XIAP: variants seen among roughly 807,000 people sequenced by gnomAD.
The protein encoded by XIAP is E3 ubiquitin-protein ligase XIAP.
XIAP carries 3 observed loss-of-function variants against 33.1 expected under a neutral mutation model. The observed-to-expected ratio is 0.09, with a 90% confidence interval of 0.04 to 0.23. XIAP has a LOEUF of 0.23. XIAP is among the 10% of genes least tolerant of loss of function. XIAP has a pLI of 1.00. For missense variants in XIAP, 264 were observed against 363.0 expected, an observed-to-expected ratio of 0.73 and a Z score of 2.22; for synonymous variants, 98 against 121.3, an observed-to-expected ratio of 0.81 and a Z score of 1.26.
chrX:123,886,829 C>T (rs934603580), intron 2 of XIAP, among the ~76,000 whole-genome samples: 1 of 111,457 alleles, frequency 9.0e-6, no homozygotes, highest in Non-Finnish European at 1.9e-5. Flanking sequence ...CAAAATGGGT[C>T]TAATAGTAAT....
chrX:123,866,961 G>C (rs1478190216), intron 1 of XIAP, among the ~76,000 whole-genome samples: 1 of 107,243 alleles, frequency 9.3e-6, no homozygotes. Context: ...ACCGTGCCTG[G>C]CCAGAGATAT....
chrX:123,878,344 C>T (rs1370307611), intron 1 of XIAP, among the ~76,000 whole-genome samples: 2 of 111,802 alleles, frequency 1.8e-5, no homozygotes, highest in East Asian at 5.5e-4. Flanking sequence ...AATTTTAGAA[C>T]ATTTTCATTA....
chrX:123,878,561 C>G (rs2053267945), intron 1 of XIAP: 1 of 112,986 alleles, frequency 8.9e-6, no homozygotes. Context: ...CTATGACATC[C>G]TCATTCAGAA....
rs1370667504 is a variant in XIAP at position 123,886,000 on chromosome X, G to A, written c.338G>A (p.Gly113Asp). 1 of 1,211,832 alleles carries A rather than the reference G, an allele frequency of 8.3e-7. No homozygotes were observed. The highest frequency in any genetic ancestry group is 1.1e-6 in the Non-Finnish European group (1 of 895,536). Residue 113 changes from glycine to aspartate, a missense_variant, in exon 2 of 7, where the codon GGT becomes GAT. Gly to Asp is a moderately conservative substitution (Grantham distance 94). Coordinates refer to ENST00000371199, the MANE Select transcript of XIAP (RefSeq NM_001167.4). ...TCTACAAATTCTGGTATCCAGAATGGTCAGTACAAAGTTGAAAACTATCTG... is the reference window on the plus strand; with the variant it reads ...TCTACAAATTCTGGTATCCAGAATGATCAGTACAAAGTTGAAAACTATCTG... Reference protein sequence around the residue: ...TQSTNSGIQNGQYKVENYLGS... With the variant: ...TQSTNSGIQNDQYKVENYLGS...
rs1050377088 is a variant in XIAP at position 123,908,418 on chromosome X, A to G, written c.*1237A>G. The stretch of plus-strand genomic sequence containing the variant: ...TTAAGCCTGCCTAAGTCACTTTACT[A>G]AAAGATCTTTGTTAACTCAGTATTT... On this transcript the variant is annotated 3_prime_UTR_variant, in exon 7 of 7. Transcript: ENST00000371199. The G allele has an allele frequency of 5.3e-6, 2 of 376,090 alleles. No individual in the cohort carries two copies. Among genetic ancestry groups the G allele is most frequent in the Admixed American group, 5.9e-5 (2 of 33,715 alleles). The allele number at this position is 376,090 out of a possible 1,213,427, so 31.0% of individuals were successfully genotyped here.
intron 1 of XIAP, among the ~76,000 whole-genome samples, chrX:123,878,186 CCAAAGTTTATG>C (rs914323130): frequency 3.6e-5 from 4 of 111,462 alleles, no homozygotes; most frequent in African/African-American, 1.3e-4. Flanking sequence ...CTCTGATCCA[CCAAAGTTTATG>C]CAGTTACCAA....
At position 123,908,965 on chromosome X, in the gene XIAP, C is replaced by T. The variant is rs1345319613; in HGVS notation, c.*1784C>T. On this transcript the variant is annotated 3_prime_UTR_variant, in exon 7 of 7. Transcript: ENST00000371199. ...CTAAGAGAAAGAGTATTGTTATGTT[C>T]TCCTAACTTCTGTTGATTACTACTT... 6.0e-6 allele frequency: 2 copies of T among 335,520 alleles called. No homozygotes were observed. The highest frequency in any genetic ancestry group is 1.1e-5 in the Non-Finnish European group (2 of 176,210). The allele number at this position is 335,520 out of a possible 1,213,427, so 27.7% of individuals were successfully genotyped here.
At chrX:123,861,592 T>A (rs1268383012) in intron 1 of XIAP, among the ~76,000 whole-genome samples, 1 of 112,049 alleles carries the variant, frequency 8.9e-6, no homozygotes, top group Non-Finnish European at 1.9e-5. Context: ...AGAAGACTTT[T>A]TACTTTGTAC....
At chrX:123,879,386 G>A (rs1301032793) in intron 1 of XIAP, 1 of 99,064 alleles carries the variant, frequency 1.0e-5, no homozygotes, top group Non-Finnish European at 2.0e-5. Context: ...GCACAATCTC[G>A]GCTCACTGCA....
In XIAP at chrX:123,911,223, A is replaced by G. The variant is rs2053598822; in HGVS notation, c.*4042A>G. 3.1e-6 allele frequency: 1 copy of G among 324,070 alleles called. No individual in the cohort carries two copies. Among genetic ancestry groups the G allele is most frequent in the Non-Finnish European group, 5.9e-6 (1 of 169,774 alleles). The allele number at this position is 324,070 out of a possible 1,213,427, so 26.7% of individuals were successfully genotyped here. A position where few individuals can be genotyped will look rare whatever the true frequency, so the allele number is the denominator to read the frequency against. The stretch of plus-strand genomic sequence containing the variant: ...CTGGGCGCGGTGGCTCATGCCTGTA[A>G]TCCCAGCACTTTGGGAGGCCGAGGC... On this transcript the variant is annotated 3_prime_UTR_variant, in exon 7 of 7. Transcript: ENST00000371199.
intron 1 of XIAP, among the ~76,000 whole-genome samples, chrX:123,869,458 A>G (rs1270968138): frequency 1.9e-5 from 2 of 105,023 alleles, no homozygotes; most frequent in East Asian, 6.0e-4. Flanking sequence ...TGGGAGGTGG[A>G]GGTTGCAGTG....
intron 1 of XIAP, among the ~76,000 whole-genome samples, chrX:123,885,344 C>T (rs1193187368): frequency 1.8e-5 from 2 of 111,640 alleles, no homozygotes; most frequent in African/African-American, 6.5e-5. Context: ...ATATATTCTG[C>T]ATCACAGTTT....
chrX:123,863,139 G>A (rs957006148), intron 1 of XIAP, among the ~76,000 whole-genome samples: 7 of 110,686 alleles, frequency 6.3e-5, no homozygotes, highest in Non-Finnish European at 1.3e-4. Flanking sequence ...TTGTAGATAA[G>A]AACATATTTT....
intron 5 of XIAP, 123 bp from the exon 6 acceptor site, chrX:123,900,370 T>C (rs1261836082): frequency 1.6e-5 from 10 of 612,378 alleles, no homozygotes; most frequent in Non-Finnish European, 2.5e-5. Flanking sequence ...TTTGCTGGTT[T>C]GTTTTTATTC....
intron 6 of XIAP, among the ~76,000 whole-genome samples, chrX:123,901,262 G>A (rs1387415269): frequency 1.8e-5 from 2 of 111,944 alleles, no homozygotes; most frequent in African/African-American, 6.5e-5. Context: ...GTGTGTGCCT[G>A]TAGTCCCAGC....
chrX:123,911,394 T>C lies in XIAP; in HGVS notation c.*4213T>C. 1 of 288,295 alleles carries C rather than the reference T, an allele frequency of 3.5e-6. No individual in the cohort carries two copies. The highest frequency in any genetic ancestry group is 3.3e-5 in the South Asian group (1 of 30,197). The allele number at this position is 288,295 out of a possible 1,213,427, so 23.8% of individuals were successfully genotyped here. On this transcript the variant is annotated 3_prime_UTR_variant, in exon 7 of 7. Transcript: ENST00000371199. ...TGGGAGGCTGAGGCAGGAGAATCGC[T>C]TGAACCCAGGAGGCGGAGGTTGTGG...
At chrX:123,898,001 T>G (rs779575518) in intron 5 of XIAP, among the ~76,000 whole-genome samples, 137 of 112,363 alleles carry the variant, frequency 1.2e-3, no homozygotes, top group Non-Finnish European at 2.3e-3. Flanking sequence ...AAGAGCAATG[T>G]CTAGTTGCCC....
chrX:123,864,635 A>AGTGTGTGTGTGT (rs748255094), intron 1 of XIAP, among the ~76,000 whole-genome samples: 23 of 84,666 alleles, frequency 2.7e-4, no homozygotes, highest in African/African-American at 7.6e-4. Context: ...CCCGGCTTAG[A>AGTGTGTGTGTGT]GTGTGTGTGT....
chrX:123,895,324 TACC>T (rs1214278803), intron 5 of XIAP, among the ~76,000 whole-genome samples: 2 of 112,645 alleles, frequency 1.8e-5, no homozygotes, highest in Non-Finnish European at 3.7e-5. Flanking sequence ...GTATAAATAA[TACC>T]ACATTTTGTT....
Sources: allele counts gnomAD v4.1 joint callset (sites outside exome capture counted in the v4.1 genomes callset), GRCh38; gene constraint gnomAD v4.1.1; transcripts MANE v1.5; gene names NCBI Gene and HGNC (gene_info 2026-07-23, HGNC 2026-07-21).